PRP4K: variants seen among roughly 807,000 people sequenced by gnomAD.
PRP4K encodes pre-mRNA processing factor kinase PRP4K.
the PRP4K span, among the ~76,000 whole-genome samples, chr6:4,023,528 C>T: frequency 6.6e-6 from 1 of 152,152 alleles, no homozygotes; most frequent in African/African-American, 2.4e-5. Flanking sequence ...AATTGCTTGT[C>T]AAGTATGAAA....
At chr6:4,049,102 T>C in the PRP4K span, 9 of 1,605,140 alleles carry the variant, frequency 5.6e-6, no homozygotes, top group African/African-American at 1.1e-4. Context: ...CAGAAGGCTA[T>C]TATCGTAAGT....
At chr6:4,060,604 G>A in the PRP4K span, 2 of 1,610,548 alleles carry the variant, frequency 1.2e-6, no homozygotes, top group Non-Finnish European at 1.7e-6. The surrounding 1 kb of genome is among the most constrained non-coding windows in gnomAD (Gnocchi z 4.7). Context: ...CCTTCATCCA[G>A]GAAAAAATTT....
At chr6:4,024,451 A>G in the PRP4K span, among the ~76,000 whole-genome samples, 2 of 152,244 alleles carry the variant, frequency 1.3e-5, no homozygotes, top group Non-Finnish European at 2.9e-5. Context: ...AGAATTGTCT[A>G]GCTTAAAAAC....
At chr6:4,040,428 C>A in the PRP4K span, among the ~76,000 whole-genome samples, 54 of 152,134 alleles carry the variant, frequency 3.5e-4, no homozygotes, top group African/African-American at 1.2e-3. Context: ...TGGTGCTGTA[C>A]GAATACAAAG....
At chr6:4,038,326 CTG>C in the PRP4K span, among the ~76,000 whole-genome samples, 2 of 151,922 alleles carry the variant, frequency 1.3e-5, no homozygotes, top group African/African-American at 2.4e-5. Flanking sequence ...CAGTCTCACT[CTG>C]TTGCCCACGC....
chr6:4,050,443 A>G, the PRP4K span: 473 of 383,788 alleles, frequency 1.2e-3, 4 homozygotes, highest in African/African-American at 8.2e-3. Context: ...TGCACCAATA[A>G]CAACTTAAAC....
At chr6:4,045,549 G>A in the PRP4K span, among the ~76,000 whole-genome samples, 1 of 152,190 alleles carries the variant, frequency 6.6e-6, no homozygotes, top group Non-Finnish European at 1.5e-5. Flanking sequence ...TGGAAAGGAG[G>A]AGTTTACACA....
chr6:4,023,818 A>C, the PRP4K span, among the ~76,000 whole-genome samples: 1 of 151,114 alleles, frequency 6.6e-6, no homozygotes, highest in Admixed American at 6.6e-5. Context: ...TGATCCTCCT[A>C]CTCCAGCCTC....
chr6:4,033,664 A>G, the PRP4K span, among the ~76,000 whole-genome samples: 95 of 152,330 alleles, frequency 6.2e-4, 1 homozygote, highest in African/African-American at 2.2e-3. Context: ...ATTAATTCCT[A>G]GCCGTTTACT....
the PRP4K span, among the ~76,000 whole-genome samples, chr6:4,048,489 A>G: frequency 6.6e-6 from 1 of 151,960 alleles, no homozygotes; most frequent in African/African-American, 2.4e-5. Flanking sequence ...TCATGCATGT[A>G]TGGGAAGAAT....
chr6:4,024,904 G>A, the PRP4K span, among the ~76,000 whole-genome samples: 58 of 152,218 alleles, frequency 3.8e-4, no homozygotes, highest in African/African-American at 1.3e-3. Flanking sequence ...GCACCTGACC[G>A]TGACTATGTT....
At chr6:4,028,174 A>G in the PRP4K span, among the ~76,000 whole-genome samples, 1 of 152,248 alleles carries the variant, frequency 6.6e-6, no homozygotes, top group South Asian at 2.1e-4. Context: ...TTCCATAATA[A>G]AACAATGATG....
chr6:4,044,042 G>T, the PRP4K span: 11 of 1,603,626 alleles, frequency 6.9e-6, no homozygotes, highest in Non-Finnish European at 9.4e-6. Flanking sequence ...GTTTTGTCCT[G>T]GCGACGCTTT....
the PRP4K span, chr6:4,044,115 A>G: frequency 8.8e-7 from 1 of 1,140,768 alleles, no homozygotes; most frequent in South Asian, 1.4e-5. Flanking sequence ...GGATTAGGAA[A>G]AGTAAAAGAT....
chr6:4,039,915 T>C, the PRP4K span, among the ~76,000 whole-genome samples: 105,390 of 149,154 alleles, frequency 0.71, 37,309 homozygotes, highest in East Asian at 0.77. Context: ...TTCTTTTCTT[T>C]CTTGAGGTAG....
chr6:4,036,200 T>C, the PRP4K span, among the ~76,000 whole-genome samples: 852 of 152,220 alleles, frequency 5.6e-3, 7 homozygotes, highest in African/African-American at 0.02. Context: ...TGATAAGTGT[T>C]GAAAAGTTGG....
the PRP4K span, among the ~76,000 whole-genome samples, chr6:4,024,883 C>T: frequency 2.0e-5 from 3 of 152,162 alleles, no homozygotes; most frequent in Non-Finnish European, 4.4e-5. Context: ...GGATTACAGT[C>T]ATAAGCCACT....
the PRP4K span, chr6:4,058,993 G>C: frequency 1.9e-6 from 1 of 517,204 alleles, no homozygotes; most frequent in Non-Finnish European, 3.4e-6. Context: ...ATTTTAAAAT[G>C]TTTTTCTAGC....
the PRP4K span, among the ~76,000 whole-genome samples, chr6:4,026,715 C>T: frequency 6.6e-6 from 1 of 152,148 alleles, no homozygotes; most frequent in Non-Finnish European, 1.5e-5. Flanking sequence ...GAAAATTCTG[C>T]TCATATAGTG....
Sources: gnomAD v4.1 joint callset for allele counts (sites outside exome capture counted in the v4.1 genomes callset) on GRCh38, gnomAD v4.1.1 for gene constraint, Gnocchi (gnomAD v3.1) non-coding constraint, MANE v1.5 for transcripts, NCBI Gene and HGNC (gene_info 2026-07-23, HGNC 2026-07-21) for gene names.